Variants in UBE2E2 observed in about 807,000 individuals in gnomAD.
The protein encoded by UBE2E2 is ubiquitin conjugating enzyme E2 E2.
In UBE2E2, 6 loss-of-function variants were observed where a neutral mutation model predicts 24.7. The observed-to-expected ratio is 0.24, with a 90% CI of 0.13 to 0.48. UBE2E2 has a LOEUF of 0.48. Ranked by LOEUF, UBE2E2 falls within the 20% of genes least tolerant of loss-of-function variation. UBE2E2 has a pLI of 0.99. For synonymous variants in UBE2E2, 104 were observed against 83.6 expected (o/e 1.24, Z -1.33); for missense variants, 169 against 245.0 (o/e 0.69, Z 2.07).
chr3:23,342,641 C>T (rs1241352292), intron 3 of UBE2E2, among the ~76,000 whole-genome samples: 5 of 151,972 alleles, frequency 3.3e-5, no homozygotes, highest in African/African-American at 1.2e-4. Flanking sequence ...ATTATTTATT[C>T]GTATGTGTAT....
intron 3 of UBE2E2, among the ~76,000 whole-genome samples, chr3:23,274,452 C>T (rs969338251): frequency 1.3e-5 from 2 of 152,026 alleles, no homozygotes; most frequent in African/African-American, 4.8e-5. Flanking sequence ...TGCATCCTAG[C>T]TCAGCAGATC....
intron 3 of UBE2E2, among the ~76,000 whole-genome samples, chr3:23,329,215 G>A (rs1260604294): frequency 6.6e-6 from 1 of 152,134 alleles, no homozygotes; most frequent in East Asian, 1.9e-4. Context: ...TTTTGAAAAG[G>A]CAAACCAAAT....
chr3:23,317,408 C>T (rs571554918), intron 3 of UBE2E2, among the ~76,000 whole-genome samples: 22 of 152,282 alleles, frequency 1.4e-4, no homozygotes, highest in East Asian at 7.7e-4. Context: ...GTGTGCTCTC[C>T]GTCCCCCAAG....
At chr3:23,555,954 T>C (rs1355212972) in intron 5 of UBE2E2, among the ~76,000 whole-genome samples, 1 of 152,040 alleles carries the variant, frequency 6.6e-6, no homozygotes, top group African/African-American at 2.4e-5. Context: ...ATAAGGACTA[T>C]AGTTAATAAT....
intron 3 of UBE2E2, among the ~76,000 whole-genome samples, chr3:23,317,100 G>A (rs919949391): frequency 2.0e-5 from 3 of 152,108 alleles, no homozygotes; most frequent in African/African-American, 7.2e-5. Context: ...CGCTCCTTTA[G>A]CCTCCTTGGC....
chr3:23,380,879 C>G (rs1039811249), intron 3 of UBE2E2, among the ~76,000 whole-genome samples: 2 of 152,050 alleles, frequency 1.3e-5, no homozygotes, highest in Non-Finnish European at 2.9e-5. Context: ...TAAGTGAATT[C>G]CAAGCTCTAA....
At chr3:23,219,516 AG>A (rs1559443783) in intron 3 of UBE2E2, among the ~76,000 whole-genome samples, 1 of 152,194 alleles carries the variant, frequency 6.6e-6, no homozygotes, top group Non-Finnish European at 1.5e-5. Flanking sequence ...CAAAGTTAAC[AG>A]TGCTTTTGTG....
intron 3 of UBE2E2, among the ~76,000 whole-genome samples, chr3:23,319,123 C>A (rs1197235769): frequency 6.6e-6 from 1 of 152,208 alleles, no homozygotes; most frequent in Non-Finnish European, 1.5e-5. Flanking sequence ...TTATTTAAAA[C>A]CGTAAGCCAA....
chr3:23,331,483 A>T (rs947418755), intron 3 of UBE2E2, among the ~76,000 whole-genome samples: 4 of 151,054 alleles, frequency 2.6e-5, no homozygotes, highest in African/African-American at 7.3e-5. Flanking sequence ...GAGCAGAGAG[A>T]TAGCTGTCAA....
intron 5 of UBE2E2, among the ~76,000 whole-genome samples, chr3:23,573,817 A>T (rs1328935541): frequency 6.6e-6 from 1 of 152,156 alleles, no homozygotes; most frequent in African/African-American, 2.4e-5. Context: ...ATGGGTTACT[A>T]TTCATGGAGA....
At chr3:23,395,481 C>G (rs987571040) in intron 3 of UBE2E2, among the ~76,000 whole-genome samples, 3 of 152,124 alleles carry the variant, frequency 2.0e-5, no homozygotes, top group Admixed American at 6.6e-5. Context: ...GTTATCCAAC[C>G]TATCCGAGAA....
At chr3:23,354,618 ACG>A (rs921848064) in intron 3 of UBE2E2, among the ~76,000 whole-genome samples, 24 of 152,376 alleles carry the variant, frequency 1.6e-4, no homozygotes, top group African/African-American at 5.8e-4. Flanking sequence ...GCCAAAAAAC[ACG>A]TGAAAAAATG....
At chr3:23,209,000 C>T in intron 2 of UBE2E2, 125 bp downstream of exon 2, 1 of 1,061,690 alleles carries the variant, frequency 9.4e-7, no homozygotes. Context: ...TTTTCTTTTC[C>T]CTTCAAGATG....
chr3:23,262,244 A>G (rs1559323427), intron 3 of UBE2E2, among the ~76,000 whole-genome samples: 1 of 151,908 alleles, frequency 6.6e-6, no homozygotes, highest in Non-Finnish European at 1.5e-5. Flanking sequence ...GGCCATTTGT[A>G]TTTCTTTTTT....
At chr3:23,210,175 T>C (rs1559439769) in intron 2 of UBE2E2, among the ~76,000 whole-genome samples, 1 of 152,080 alleles carries the variant, frequency 6.6e-6, no homozygotes, top group East Asian at 1.9e-4. Flanking sequence ...AGGAAGTCGA[T>C]GTAGGTGGGA....
chr3:23,513,516 A>G (rs1386045215), intron 4 of UBE2E2, among the ~76,000 whole-genome samples: 1 of 152,156 alleles, frequency 6.6e-6, no homozygotes, highest in Non-Finnish European at 1.5e-5. Context: ...TTCACTGAGT[A>G]TCTTTGTACA....
At chr3:23,444,068 T>TTTG (rs1293500124) in intron 3 of UBE2E2, among the ~76,000 whole-genome samples, 12 of 149,802 alleles carry the variant, frequency 8.0e-5, no homozygotes, top group East Asian at 2.0e-4. Context: ...CAGTTTTGTT[T>TTTG]TTTTTTTTTT....
chr3:23,411,929 G>T (rs1184130776), intron 3 of UBE2E2, among the ~76,000 whole-genome samples: 1 of 152,040 alleles, frequency 6.6e-6, no homozygotes, highest in African/African-American at 2.4e-5. Flanking sequence ...AGTTCTAATT[G>T]CAGTACAAAC....
intron 3 of UBE2E2, among the ~76,000 whole-genome samples, chr3:23,448,725 T>C (rs898805622): frequency 3.3e-5 from 5 of 152,190 alleles, no homozygotes; most frequent in African/African-American, 1.2e-4. Flanking sequence ...CTCATCTTTC[T>C]TGTAATGTAG....
Sources: gnomAD v4.1 joint callset for allele counts (sites outside exome capture counted in the v4.1 genomes callset) on GRCh38, gnomAD v4.1.1 for gene constraint, MANE v1.5 for transcripts, NCBI Gene and HGNC (gene_info 2026-07-23, HGNC 2026-07-21) for gene names.